Variants in FTO observed in about 807,000 individuals in gnomAD.
The protein encoded by FTO is FTO alpha-ketoglutarate dependent dioxygenase, also known as alpha-ketoglutarate-dependent dioxygenase FTO.
Under a neutral mutation model 63.9 loss-of-function variants are expected in FTO, and 47 were observed. The ratio of observed to expected loss-of-function variants is 0.74; its 90% CI spans 0.58 to 0.94. The LOEUF (loss-of-function observed/expected upper bound fraction) is 0.94, where lower values mean the gene tolerates loss of function less well. Among genes scored for constraint, FTO ranks in the 40% least tolerant of loss-of-function variants. The pLI is 0.00. For missense variants in FTO, 562 were observed against 618.1 expected, an observed-to-expected ratio of 0.91 and a Z score of 0.96; for synonymous variants, 207 against 224.4, an observed-to-expected ratio of 0.92 and a Z score of 0.69.
chr16:53,810,317 A>G (rs2078487491), intron 2 of FTO, 100 bp downstream of exon 2: 4 of 809,530 alleles, frequency 4.9e-6, no homozygotes. Context: ...ATGACAGGTG[A>G]AAAGGTCAAA....
At chr16:53,894,836 T>G (rs1366659862) in intron 7 of FTO, among the ~76,000 whole-genome samples, 1 of 152,154 alleles carries the variant, frequency 6.6e-6, no homozygotes. Flanking sequence ...CTTTTTTGAC[T>G]GGGGCAGTGC....
chr16:53,954,186 G>T (rs560988278), intron 8 of FTO, among the ~76,000 whole-genome samples: 1 of 152,322 alleles, frequency 6.6e-6, no homozygotes, highest in East Asian at 1.9e-4. Context: ...AAAGGGGAAA[G>T]GTGGATCTAT....
intron 2 of FTO, among the ~76,000 whole-genome samples, chr16:53,818,447 C>T (rs2078760926): frequency 6.6e-6 from 1 of 152,020 alleles, no homozygotes; most frequent in South Asian, 2.1e-4. Context: ...CAGAAAGAAT[C>T]TCTTGGCAAA....
intron 7 of FTO, among the ~76,000 whole-genome samples, chr16:53,897,261 T>C (rs2081299665): frequency 6.6e-6 from 1 of 152,166 alleles, no homozygotes; most frequent in African/African-American, 2.4e-5. Flanking sequence ...CAATTGTAAA[T>C]TTTTCCTTCA....
chr16:53,739,359 C>T (rs1567944414), intron 1 of FTO, among the ~76,000 whole-genome samples: 1 of 150,766 alleles, frequency 6.6e-6, no homozygotes, highest in Non-Finnish European at 1.5e-5. Flanking sequence ...GCGCCCGCCA[C>T]CACACCTGGC....
intron 1 of FTO, among the ~76,000 whole-genome samples, chr16:53,774,011 C>T (rs1475199390): frequency 2.6e-5 from 4 of 152,126 alleles, no homozygotes; most frequent in African/African-American, 9.6e-5. Flanking sequence ...GTCGTAAGTT[C>T]GGCCCCATTT....
chr16:53,937,369 C>T (rs753274242), intron 8 of FTO: 1 of 397,850 alleles, frequency 2.5e-6, no homozygotes, highest in Non-Finnish European at 4.4e-6. Flanking sequence ...GCCTGATGGA[C>T]AGCTTGTTAT....
chr16:53,965,549 T>A (rs1249358788), intron 8 of FTO, among the ~76,000 whole-genome samples: 1 of 152,090 alleles, frequency 6.6e-6, no homozygotes, highest in Non-Finnish European at 1.5e-5. Context: ...GGAGGAGAGG[T>A]GTCAGCAGAA....
At chr16:53,811,973 T>C (rs2078539141) in intron 2 of FTO, among the ~76,000 whole-genome samples, 1 of 151,962 alleles carries the variant, frequency 6.6e-6, no homozygotes, top group Admixed American at 6.6e-5. Flanking sequence ...CCACCACGCC[T>C]GGCTAATTTT....
At chr16:53,989,884 G>A (rs1159718769) in intron 8 of FTO, among the ~76,000 whole-genome samples, 1 of 151,070 alleles carries the variant, frequency 6.6e-6, no homozygotes, top group African/African-American at 2.4e-5. Flanking sequence ...GAGACAATGA[G>A]GATGAAGACC....
intron 2 of FTO, among the ~76,000 whole-genome samples, chr16:53,815,041 C>G (rs558124631): frequency 3.3e-5 from 5 of 151,612 alleles, no homozygotes; most frequent in African/African-American, 1.2e-4. Context: ...GCCAACATAC[C>G]TGGAGCAGAG....
chr16:53,831,865 A>G (rs779233445), intron 3 of FTO, among the ~76,000 whole-genome samples: 62 of 152,280 alleles, frequency 4.1e-4, no homozygotes, highest in Admixed American at 2.0e-4. Flanking sequence ...GAGAAGAGGA[A>G]ATGAAATGAA....
At position 54,120,230 on chromosome 16, in the gene FTO, G is replaced by A. The variant is rs1342825710; in HGVS notation, c.*8315G>A. The stretch of plus-strand genomic sequence containing the variant: ...TCAGGGGCATCCTCACTGGGACATA[G>A]CTTGGGGAGCTGAAGGTACCTTGGA... On this transcript the variant is annotated 3_prime_UTR_variant, in exon 9 of 9. Transcript: ENST00000471389. 1.3e-5 allele frequency: 2 copies of A among 152,286 alleles called. No homozygotes were observed. Among genetic ancestry groups the A allele is most frequent in the Non-Finnish European group, 2.9e-5 (2 of 68,080 alleles). 9.4% of individuals were successfully genotyped at this position (152,286 alleles called of 1,614,324 possible). A position where few individuals can be genotyped will look rare whatever the true frequency, so the allele number is the denominator to read the frequency against.
At chr16:54,000,732 A>G (rs2084046094) in intron 8 of FTO, among the ~76,000 whole-genome samples, 1 of 152,222 alleles carries the variant, frequency 6.6e-6, no homozygotes, top group South Asian at 2.1e-4. Context: ...TATGTCTCAG[A>G]CAACACGATA....
chr16:53,731,018 A>G (rs2076258851), intron 1 of FTO, among the ~76,000 whole-genome samples: 1 of 152,182 alleles, frequency 6.6e-6, no homozygotes, highest in African/African-American at 2.4e-5. Flanking sequence ...GGGATTTTTT[A>G]AGGCTCTTGA....
chr16:54,008,692 G>A (rs1177550190), intron 8 of FTO: 4 of 151,672 alleles, frequency 2.6e-5, no homozygotes, highest in African/African-American at 9.7e-5. Context: ...ACAGTTTCTT[G>A]TAATTTCTTA....
In FTO at chr16:54,111,701, T is replaced by C; in HGVS notation, c.1365-61T>C. The C allele has an allele frequency of 2.5e-6, 4 of 1,581,968 alleles. No homozygotes were observed. In the South Asian group the frequency reaches 4.4e-5, roughly 18 times the overall value. The stretch of plus-strand genomic sequence containing the variant: ...GGCCAGTGTTGCTCCAAGCTTCCTG[T>C]GGGTTGGGGTCTTCTGGGGGTTTCC... On this transcript the variant is annotated intron_variant, in intron 8 of 8. Coordinates refer to ENST00000471389, the MANE Select transcript of FTO (RefSeq NM_001080432.3).
intron 8 of FTO, among the ~76,000 whole-genome samples, chr16:54,085,050 T>C (rs113358100): frequency 1.3e-5 from 2 of 152,076 alleles, no homozygotes; most frequent in African/African-American, 4.8e-5. Context: ...GTGCCTTACT[T>C]ACTGCTCCCT....
intron 7 of FTO, among the ~76,000 whole-genome samples, chr16:53,912,162 G>T (rs1201895811): frequency 2.2e-5 from 3 of 137,342 alleles, no homozygotes; most frequent in African/African-American, 7.9e-5. Context: ...CAGTATAGCT[G>T]GGGGTACTAG....
Sources: gnomAD v4.1 joint callset for allele counts (sites outside exome capture counted in the v4.1 genomes callset) on GRCh38, gnomAD v4.1.1 for gene constraint, MANE v1.5 for transcripts, NCBI Gene and HGNC (gene_info 2026-07-23, HGNC 2026-07-21) for gene names.